Variants in TMPRSS15 observed in about 807,000 individuals in gnomAD.
The protein encoded by TMPRSS15 is enteropeptidase.
TMPRSS15 carries 128 observed loss-of-function variants against 125.3 expected under a neutral mutation model. The observed-to-expected ratio is 1.02, with a 90% CI of 0.89 to 1.18. The LOEUF (loss-of-function observed/expected upper bound fraction) is 1.18. Ranked by LOEUF, TMPRSS15 falls within the 50% of genes most tolerant of loss-of-function variation. The pLI, the probability that TMPRSS15 is intolerant of heterozygous loss-of-function variation, is 0.00. For missense variants in TMPRSS15, 1,283 were observed against 1,212.7 expected (o/e 1.06, Z -0.86); for synonymous variants, 446 against 423.2 (o/e 1.05, Z -0.66).
intron 16 of TMPRSS15, among the ~76,000 whole-genome samples, chr21:18,325,048 AT>A (rs2075275153): frequency 6.6e-6 from 1 of 151,962 alleles, no homozygotes; most frequent in African/African-American, 2.4e-5. Context: ...CAATGATCAA[AT>A]TTTCTTCTAA....
At position 18,343,876 on chromosome 21, in the gene TMPRSS15, A is replaced by G. The variant is rs1569021459; in HGVS notation, c.1277+79T>C. ...TAAAACTTTAGCCAACATCTTAGTGAAATATGAGCCTGGTGGCCTGAGCAA... is the reference window on the plus strand; with the variant it reads ...TAAAACTTTAGCCAACATCTTAGTGGAATATGAGCCTGGTGGCCTGAGCAA... On this transcript the variant is annotated intron_variant, in intron 11 of 24. Coordinates refer to ENST00000284885, the MANE Select transcript of TMPRSS15 (RefSeq NM_002772.3). The G allele has an allele frequency of 3.6e-6, 5 of 1,372,916 alleles. No homozygotes were observed. In the East Asian group the frequency reaches 1.1e-4, roughly 31 times the overall value. 85.0% of individuals were successfully genotyped at this position (1,372,916 alleles called of 1,614,324 possible).
rs2075471398 is a variant in TMPRSS15, at chr21:18,343,509, A to T, written c.1425T>A (p.Phe475Leu). The T allele has an allele frequency of 1.2e-6, 2 of 1,608,832 alleles. No individual in the cohort carries two copies. The highest frequency in any genetic ancestry group is 3.3e-5 in the Admixed American group (2 of 59,932). ...GQVTLNETVKFKVAFNAFKNK... is the reference protein window; with the variant it reads ...GQVTLNETVKLKVAFNAFKNK... ...AATAATAAAGTATTTTGCAAACCTT[A>T]AATTTAACTGTTTCATTTAGGGTTA... Residue 475 changes from phenylalanine to leucine, a missense_variant, in exon 12 of 25, where the codon TTT (phenylalanine) becomes TTA (leucine). Physicochemically the swap from Phe to Leu is conservative, Grantham distance 22. Coordinates refer to ENST00000284885, the MANE Select transcript of TMPRSS15 (RefSeq NM_002772.3).
At chr21:18,454,935 T>G (rs1978411339) in intron 1 of TMPRSS15, among the ~76,000 whole-genome samples, 1 of 152,178 alleles carries the variant, frequency 6.6e-6, no homozygotes, top group African/African-American at 2.4e-5. Flanking sequence ...GTGATATAGC[T>G]TGGCTGTGTC....
intron 1 of TMPRSS15, among the ~76,000 whole-genome samples, chr21:18,464,267 T>A (rs1471290024): frequency 6.6e-6 from 1 of 151,776 alleles, no homozygotes; most frequent in Non-Finnish European, 1.5e-5. Context: ...TACCAGTGTT[T>A]AGAGAGAAAT....
At chr21:18,370,258 A>G (rs924247685) in intron 6 of TMPRSS15, among the ~76,000 whole-genome samples, 6 of 152,168 alleles carry the variant, frequency 3.9e-5, no homozygotes, top group African/African-American at 1.4e-4. Context: ...TGATATTCCT[A>G]TGGTTCATTT....
intron 3 of TMPRSS15, among the ~76,000 whole-genome samples, chr21:18,395,518 T>C (rs539641928): frequency 2.0e-5 from 3 of 152,368 alleles, no homozygotes; most frequent in East Asian, 3.9e-4. Context: ...GGTGATCTTC[T>C]GATTAGTACT....
intron 6 of TMPRSS15, among the ~76,000 whole-genome samples, chr21:18,365,979 CA>C (rs1407083755): frequency 1.3e-5 from 2 of 151,958 alleles, no homozygotes; most frequent in East Asian, 3.9e-4. Context: ...AGGTGATCTG[CA>C]CTCCTAGGAC....
At chr21:18,282,063 A>C (rs1478779785) in intron 21 of TMPRSS15, among the ~76,000 whole-genome samples, 3 of 135,590 alleles carry the variant, frequency 2.2e-5, no homozygotes, top group African/African-American at 8.6e-5. Flanking sequence ...GCGCCACTGC[A>C]CTCCAGCCTG....
At chr21:18,275,809 C>A (rs1352403436) in intron 23 of TMPRSS15, among the ~76,000 whole-genome samples, 1 of 152,104 alleles carries the variant, frequency 6.6e-6, no homozygotes, top group Non-Finnish European at 1.5e-5. Flanking sequence ...GAGCAGAGGA[C>A]AAAGCTCAGA....
chr21:18,441,275 C>T (rs2076240697), intron 1 of TMPRSS15, among the ~76,000 whole-genome samples: 2 of 150,234 alleles, frequency 1.3e-5, no homozygotes, highest in African/African-American at 4.9e-5. Context: ...GAGTGAAACT[C>T]CGTCTCAAAC....
chr21:18,319,422 ATTTTT>A (rs35796863), intron 16 of TMPRSS15, among the ~76,000 whole-genome samples: 26 of 105,304 alleles, frequency 2.5e-4, no homozygotes, highest in African/African-American at 9.1e-4. Context: ...TTCTTCACCG[ATTTTT>A]TTTTTTTTTT....
rs2076054040 is a variant in TMPRSS15, at chr21:18,397,871, A to G, written c.344+8T>C. ...TCCATCAGTAGAAAATTTTTGAGCT[A>G]TACTCACTCAAATTGTAAAACTCTT... On this transcript the variant is annotated splice_region_variant and intron_variant, in intron 3 of 24. Transcript: ENST00000284885. 1 of 1,514,926 alleles carries G rather than the reference A, an allele frequency of 6.6e-7. No individual in the cohort carries two copies. The highest frequency in any genetic ancestry group is 9.0e-7 in the Non-Finnish European group (1 of 1,108,304). 93.8% of individuals were successfully genotyped at this position (1,514,926 alleles called of 1,614,324 possible).
At chr21:18,275,150 C>T in intron 24 of TMPRSS15, 47 bp downstream of exon 24, 1 of 1,603,564 alleles carries the variant, frequency 6.2e-7, no homozygotes. Context: ...ATAACTATAA[C>T]ACCAGTGCTT....
chr21:18,318,239 G>A (rs1462582157), intron 16 of TMPRSS15, among the ~76,000 whole-genome samples: 2 of 152,076 alleles, frequency 1.3e-5, no homozygotes, highest in South Asian at 2.1e-4. Context: ...TTAGGGATTC[G>A]GAGCTGAACC....
intron 14 of TMPRSS15, among the ~76,000 whole-genome samples, chr21:18,331,541 GATCT>G (rs1011429378): frequency 3.3e-5 from 5 of 152,096 alleles, no homozygotes; most frequent in Non-Finnish European, 7.4e-5. Flanking sequence ...ATTTTTTAGT[GATCT>G]TTCTTATAAT....
chr21:18,450,907 C>T (rs922816180), intron 1 of TMPRSS15, among the ~76,000 whole-genome samples: 2 of 152,086 alleles, frequency 1.3e-5, no homozygotes, highest in African/African-American at 4.8e-5. Context: ...GCCAGAGAGG[C>T]CTTCTAGTAT....
chr21:18,472,019 G>A (rs1261335186), intron 1 of TMPRSS15, among the ~76,000 whole-genome samples: 1 of 152,104 alleles, frequency 6.6e-6, no homozygotes. Flanking sequence ...GAAAATCATA[G>A]GGAGAGACAG....
At chr21:18,359,680 A>G in intron 8 of TMPRSS15, 77 bp downstream of exon 8, 3 of 690,052 alleles carry the variant, frequency 4.3e-6, no homozygotes, top group Non-Finnish European at 7.8e-6. Context: ...TCAAAATCAA[A>G]GGGAAAACAT....
intron 1 of TMPRSS15, among the ~76,000 whole-genome samples, chr21:18,478,670 C>A (rs1331066191): frequency 6.6e-6 from 1 of 151,864 alleles, no homozygotes; most frequent in African/African-American, 2.4e-5. Flanking sequence ...TCTCAGTCTT[C>A]GCTTGTTTCC....
Sources: allele counts gnomAD v4.1 joint callset (sites outside exome capture counted in the v4.1 genomes callset), GRCh38; gene constraint gnomAD v4.1.1; transcripts MANE v1.5; gene names NCBI Gene and HGNC (gene_info 2026-07-23, HGNC 2026-07-21).